The following LHFPL3 variants were observed in gnomAD, a reference collection of about 807,000 sequenced individuals.
The protein encoded by LHFPL3 is LHFPL tetraspan subfamily member 3.
LHFPL3 carries 5 observed loss-of-function variants against 19.3 expected under a neutral mutation model. The observed-to-expected ratio is 0.26, with a 90% CI of 0.14 to 0.54. LHFPL3 has a LOEUF of 0.54. Ranked by LOEUF, LHFPL3 falls within the 20% of genes least tolerant of loss-of-function variation. LHFPL3 has a pLI of 0.94. For missense variants in LHFPL3, 249 were observed against 307.4 expected, an observed-to-expected ratio of 0.81 and a Z score of 1.42; for synonymous variants, 133 against 126.2, an observed-to-expected ratio of 1.05 and a Z score of -0.36.
At chr7:104,498,519 C>T (rs1304547028) in intron 1 of LHFPL3, among the ~76,000 whole-genome samples, 1 of 138,046 alleles carries the variant, frequency 7.2e-6, no homozygotes, top group Non-Finnish European at 1.5e-5. Context: ...TTTTTTGAGA[C>T]AGGGTCTCAC....
intron 2 of LHFPL3, among the ~76,000 whole-genome samples, chr7:104,887,506 C>T (rs548542998): frequency 2.0e-5 from 3 of 152,216 alleles, no homozygotes; most frequent in Non-Finnish European, 4.4e-5. Context: ...CAATTCTCAT[C>T]AGTCATTGAC....
At chr7:104,530,523 G>T (rs1190775921) in intron 1 of LHFPL3, among the ~76,000 whole-genome samples, 1 of 152,174 alleles carries the variant, frequency 6.6e-6, no homozygotes, top group East Asian at 1.9e-4. Flanking sequence ...AGTTGTGCCT[G>T]TTGTAAACAC....
In LHFPL3 at chr7:104,475,619, G is replaced by A. The variant is rs536357383; in HGVS notation, c.445+146395G>A. ...TCACAATTAAAAATTATGTCTCACAGAAAGGGCTCTGTGGCCAAGTATGTC... is the reference window on the plus strand; with the variant it reads ...TCACAATTAAAAATTATGTCTCACAAAAAGGGCTCTGTGGCCAAGTATGTC... On this transcript the variant is annotated intron_variant, in intron 1 of 2. Transcript: ENST00000424859. 4.6e-5 allele frequency among the ~76,000 whole-genome samples: 7 copies of A among 152,286 alleles called. No individual in the cohort carries two copies. In the East Asian group the frequency reaches 1.3e-3, roughly 29 times the overall value.
chr7:104,636,558 T>G (rs751933808), intron 1 of LHFPL3, among the ~76,000 whole-genome samples: 1 of 152,072 alleles, frequency 6.6e-6, no homozygotes, highest in Non-Finnish European at 1.5e-5. Flanking sequence ...TAGGCCCCAG[T>G]GTCTGCTGTT....
At chr7:104,764,864 C>T (rs1466449324) in intron 2 of LHFPL3, among the ~76,000 whole-genome samples, 6 of 152,088 alleles carry the variant, frequency 3.9e-5, no homozygotes, top group Non-Finnish European at 8.8e-5. Context: ...TATTTCTGTC[C>T]CACTTTATTG....
At chr7:104,503,686 C>T (rs897814556) in intron 1 of LHFPL3, among the ~76,000 whole-genome samples, 5 of 152,164 alleles carry the variant, frequency 3.3e-5, no homozygotes, top group African/African-American at 9.7e-5. Context: ...CCTCCCACCT[C>T]AGCCTCCTGA....
At chr7:104,874,116 A>G (rs1791888658) in intron 2 of LHFPL3, among the ~76,000 whole-genome samples, 1 of 152,238 alleles carries the variant, frequency 6.6e-6, no homozygotes, top group Non-Finnish European at 1.5e-5. Context: ...GGTAGCTGGC[A>G]GCTGCTCTAA....
chr7:104,515,865 T>C (rs1793910261), intron 1 of LHFPL3, among the ~76,000 whole-genome samples: 1 of 152,112 alleles, frequency 6.6e-6, no homozygotes, highest in African/African-American at 2.4e-5. Context: ...AGAGTTCTTC[T>C]AGGAAGTTCC....
chr7:104,354,315 T>A (rs890175779), intron 1 of LHFPL3, among the ~76,000 whole-genome samples: 2 of 152,206 alleles, frequency 1.3e-5, no homozygotes, highest in African/African-American at 4.8e-5. Flanking sequence ...AGATTGCCCC[T>A]AGATTTCTAC....
intron 1 of LHFPL3, among the ~76,000 whole-genome samples, chr7:104,601,962 G>A (rs1790977946): frequency 6.7e-6 from 1 of 149,212 alleles, no homozygotes; most frequent in Non-Finnish European, 1.5e-5. Flanking sequence ...CTTTCAAAAT[G>A]TCATCTCCTT....
chr7:104,867,311 C>T (rs1004289937), intron 2 of LHFPL3, among the ~76,000 whole-genome samples: 3 of 151,978 alleles, frequency 2.0e-5, no homozygotes, highest in Non-Finnish European at 4.4e-5. Flanking sequence ...AAAAGATCAA[C>T]AAAATTGACA....
intron 2 of LHFPL3, among the ~76,000 whole-genome samples, chr7:104,805,975 A>T (rs1347389017): frequency 6.6e-6 from 1 of 152,202 alleles, no homozygotes; most frequent in African/African-American, 2.4e-5. Context: ...AAACCATGAT[A>T]CGTTTCATGA....
At chr7:104,467,949 G>A (rs561044883) in intron 1 of LHFPL3, among the ~76,000 whole-genome samples, 8 of 152,138 alleles carry the variant, frequency 5.3e-5, no homozygotes, top group South Asian at 4.1e-4. Context: ...TTCCCATTAC[G>A]TTAGAAGTAT....
At chr7:104,611,622 A>T (rs1185251201) in intron 1 of LHFPL3, among the ~76,000 whole-genome samples, 1 of 152,194 alleles carries the variant, frequency 6.6e-6, no homozygotes, top group East Asian at 1.9e-4. Context: ...TGGAAAAAGA[A>T]ATATAAATCT....
At chr7:104,505,928 G>C (rs1210163119) in intron 1 of LHFPL3, among the ~76,000 whole-genome samples, 1 of 152,124 alleles carries the variant, frequency 6.6e-6, no homozygotes, top group Admixed American at 6.5e-5. Context: ...TCCACAGACA[G>C]TAAACCTAAA....
chr7:104,759,450 A>C (rs1184266895), intron 2 of LHFPL3, among the ~76,000 whole-genome samples: 1 of 152,200 alleles, frequency 6.6e-6, no homozygotes, highest in Non-Finnish European at 1.5e-5. Context: ...CATGTAATCA[A>C]TATAAAAAAT....
At position 104,328,902 on chromosome 7, in the gene LHFPL3, C is replaced by T. The variant is rs749487435; in HGVS notation, c.123C>T (p.Ala41=). ...RNSRAIGVLW[A]IFTICFAIVN... Reference sequence around the variant, plus strand: ...CGCGGGCCATCGGCGTGCTGTGGGCCATCTTCACCATCTGCTTTGCCATCG... The same window carrying T: ...CGCGGGCCATCGGCGTGCTGTGGGCTATCTTCACCATCTGCTTTGCCATCG... Residue 41 remains alanine, a synonymous_variant, in exon 1 of 3, where the codon GCC becomes GCT. Transcript: ENST00000424859. This position sits in a 1 kb window ranked among gnomAD's most constrained non-coding sequence, Gnocchi z 4.6. 1.2e-6 allele frequency: 2 copies of T among 1,614,206 alleles called. No homozygotes were observed. The highest frequency in any genetic ancestry group is 1.3e-5 in the African/African-American group (1 of 75,066).
At chr7:104,684,430 A>T (rs1223531224) in intron 1 of LHFPL3, among the ~76,000 whole-genome samples, 1 of 152,260 alleles carries the variant, frequency 6.6e-6, no homozygotes, top group Non-Finnish European at 1.5e-5. Flanking sequence ...CATTGTAGAA[A>T]CCAGCCATAG....
intron 1 of LHFPL3, among the ~76,000 whole-genome samples, chr7:104,632,442 G>A (rs1170654375): frequency 6.6e-6 from 1 of 152,162 alleles, no homozygotes; most frequent in Non-Finnish European, 1.5e-5. Context: ...TTAGCCTAAA[G>A]ACTATTACAC....
Sources: gnomAD v4.1 joint callset for allele counts (sites outside exome capture counted in the v4.1 genomes callset) on GRCh38, gnomAD v4.1.1 for gene constraint, Gnocchi (gnomAD v3.1) non-coding constraint, MANE v1.5 for transcripts, NCBI Gene and HGNC (gene_info 2026-07-23, HGNC 2026-07-21) for gene names.